Variants in EMC1 observed in about 807,000 individuals in gnomAD.
EMC1 encodes ER membrane protein complex subunit 1.
A neutral mutation model predicts 128.8 loss-of-function variants in EMC1; 103 were observed. That is an observed-to-expected ratio of 0.80 (90% confidence interval 0.68 to 0.94). The LOEUF is 0.94. EMC1 is among the 40% of genes least tolerant of loss of function. The probability of loss-of-function intolerance (pLI) is 0.00; values close to 1 mark genes in which losing one functional copy is unlikely to be tolerated. For synonymous variants in EMC1, 442 were observed against 490.4 expected (o/e 0.90, Z 1.30); for missense variants, 1,083 against 1,250.6 (o/e 0.87, Z 2.02).
chr1:19,239,874 A>G lies in EMC1; in HGVS notation c.898T>C (p.Tyr300His). 6.2e-7 allele frequency: 1 copy of G among 1,614,144 alleles called. No individual in the cohort carries two copies. Among genetic ancestry groups the G allele is most frequent in the Non-Finnish European group, 8.5e-7 (1 of 1,180,010 alleles). Residue 300 changes from tyrosine (Y) to histidine (H), a missense_variant, in exon 8 of 23, where the codon TAT becomes CAT. By Grantham distance (83) the Tyr-to-His change is moderately conservative. This residue lies in a region of EMC1 where 544 missense variants were observed against 572.4 expected (regional missense o/e 0.95). Coordinates refer to ENST00000477853, the MANE Select transcript of EMC1 (RefSeq NM_015047.3). ...CCATAATGGTACTGCAGCAGAGCATAGTGGCTTGGGGACAAGTGCAGGAAG... is the reference window on the plus strand; with the variant it reads ...CCATAATGGTACTGCAGCAGAGCATGGTGGCTTGGGGACAAGTGCAGGAAG... ...QFFLHLSPSH[Y>H]ALLQYHYGTL...
rs67823069 is a variant in EMC1 at position 19,218,646 on chromosome 1, CAA to C, written c.*655_*656del. On this transcript the variant is annotated 3_prime_UTR_variant, in exon 23 of 23. Transcript: ENST00000477853. ...GCACTTGGCTTCTGATAAATTGAAA[CAA>C]AGATTTGGTGGCCCAGCCTAATAAA... is the stretch of plus-strand genomic sequence containing the variant. The C allele has an allele frequency of 0.088, 13,357 of 152,248 alleles. 681 individuals are homozygous for C. The highest frequency in any genetic ancestry group is 0.12 in the Non-Finnish European group (8,147 of 68,030). 9.4% of individuals were successfully genotyped at this position (152,248 alleles called of 1,614,324 possible).
chr1:19,240,352 G>C lies in EMC1; in HGVS notation c.731C>G (p.Ser244Cys). 1 of 1,614,212 alleles carries C rather than the reference G, an allele frequency of 6.2e-7. No homozygotes were observed. Among genetic ancestry groups the C allele is most frequent in the Non-Finnish European group, 8.5e-7 (1 of 1,180,042 alleles). The change falls in exon 7 of 23, where the codon TCC becomes TGC. Residue 244 changes from serine (S) to cysteine (C), a missense_variant. Around this residue, in one of 3 missense-constraint regions of EMC1, gnomAD observed 544 missense variants for 572.4 expected, o/e 0.95. Coordinates refer to ENST00000477853, the MANE Select transcript of EMC1 (RefSeq NM_015047.3). ...CGTCTCCAGAGCCAAAGTTTGGAGG[G>C]AACGTGAGCTCGGGTCAGGACACAC... is the stretch of plus-strand genomic sequence containing the variant. ...VLVCPDPSSR[S>C]LQTLALETEW... is the part of the protein sequence containing the mutation.
chr1:19,226,629 A>G (rs1429628552), intron 18 of EMC1, among the ~76,000 whole-genome samples: 1 of 151,970 alleles, frequency 6.6e-6, no homozygotes, highest in Non-Finnish European at 1.5e-5. Context: ...ATTGCAGCTC[A>G]CTGTAGCCTC....
rs1358869702 is a variant in EMC1 at position 19,239,872 on chromosome 1, A to G, written c.900T>C (p.Tyr300=). 4.3e-6 allele frequency: 7 copies of G among 1,614,188 alleles called. No homozygotes were observed. The highest frequency in any genetic ancestry group is 5.1e-6 in the Non-Finnish European group (6 of 1,180,032). ...QFFLHLSPSH[Y]ALLQYHYGTL... ...TTCCATAATGGTACTGCAGCAGAGCATAGTGGCTTGGGGACAAGTGCAGGA... is the reference window on the plus strand; with the variant it reads ...TTCCATAATGGTACTGCAGCAGAGCGTAGTGGCTTGGGGACAAGTGCAGGA... The change falls in exon 8 of 23, where the codon TAT becomes TAC. Residue 300 remains tyrosine, a synonymous_variant. Transcript: ENST00000477853.
chr1:19,218,756 C>T lies in EMC1; in HGVS notation c.*547G>A, dbSNP rs1401890898. The T allele has an allele frequency of 1.4e-4, 22 of 153,456 alleles. No homozygotes were observed. The highest frequency in any genetic ancestry group is 1.4e-3 in the Admixed American group (22 of 15,514). The allele number at this position is 153,456 out of a possible 1,614,324, so 9.5% of individuals were successfully genotyped here. Reference sequence around the variant, plus strand: ...ACCCTAAGTTACTTTGGAGGGAAGCCATGAGAGGCTGGATCAGTCCTCAAG... The same window carrying T: ...ACCCTAAGTTACTTTGGAGGGAAGCTATGAGAGGCTGGATCAGTCCTCAAG... On this transcript the variant is annotated 3_prime_UTR_variant, in exon 23 of 23. Transcript: ENST00000477853.
At chr1:19,242,004 C>G (rs1336385516) in intron 5 of EMC1, among the ~76,000 whole-genome samples, 3 of 152,092 alleles carry the variant, frequency 2.0e-5, no homozygotes, top group African/African-American at 7.2e-5. Flanking sequence ...TTAATATGAA[C>G]GAAAGGCTCA....
At chr1:19,223,365 C>A (rs767451445) in intron 19 of EMC1, 31 bp downstream of exon 19, 1 of 1,595,892 alleles carries the variant, frequency 6.3e-7, no homozygotes, top group African/African-American at 1.3e-5. Context: ...ACCTCTGGAG[C>A]TACCTTGGGT....
At position 19,229,119 on chromosome 1, in the gene EMC1, G is replaced by C. The variant is rs78377562; in HGVS notation, c.2065-1669C>G. Among the ~76,000 whole-genome samples, 833 of 152,240 alleles carry C rather than the reference G, an allele frequency of 5.5e-3. 4 individuals carry two copies. The highest frequency in any genetic ancestry group is 8.8e-3 in the Non-Finnish European group (598 of 68,024). ...TTGATAGGGAATCATAAATACACAA[G>C]GACAGTAGAAAGAGGCACAGCAAAC... is the stretch of plus-strand genomic sequence containing the variant. On this transcript the variant is annotated intron_variant, in intron 17 of 22. Coordinates refer to ENST00000477853, the MANE Select transcript of EMC1 (RefSeq NM_015047.3).
In EMC1 at chr1:19,242,428, G is replaced by T. The variant is rs370952454; in HGVS notation, c.426C>A (p.Tyr142Ter). ...GTGTAGTCTTCTTCAGGACTGCGAT[G>T]TACCTTACAGACTCCTGCAGGCCAA... Reference protein sequence around the residue: ...GLVGLQESVRYIAVLKKTTLA... With the variant: ...GLVGLQESVR The change falls in exon 5 of 23, where the codon TAC becomes TAA. Residue 142 changes from tyrosine (Y) to a stop codon, truncating the protein, a stop_gained. Transcript: ENST00000477853. LOFTEE classifies it high-confidence loss of function. 6 of 1,613,994 alleles carry T rather than the reference G, an allele frequency of 3.7e-6. No homozygotes were observed. The highest frequency in any genetic ancestry group is 1.3e-5 in the African/African-American group (1 of 74,902).
chr1:19,220,905 C>G, intron 20 of EMC1, 57 bp from the exon 21 acceptor site: 1 of 1,262,600 alleles, frequency 7.9e-7, no homozygotes. Context: ...GGGCCAGTTA[C>G]AAAAATGTCA....
intron 19 of EMC1, 174 bp from the exon 20 acceptor site, chr1:19,223,008 C>T (rs2093443773): frequency 1.7e-6 from 1 of 592,630 alleles, no homozygotes. Flanking sequence ...GTAGTTTTAT[C>T]TAGGCTATCG....
At chr1:19,233,964 G>T (rs2093543961) in intron 13 of EMC1, among the ~76,000 whole-genome samples, 1 of 152,156 alleles carries the variant, frequency 6.6e-6, no homozygotes, top group Admixed American at 6.5e-5. Flanking sequence ...ACTAAAAAAG[G>T]AGCAGAACCT....
intron 7 of EMC1, 56 bp downstream of exon 7, chr1:19,240,241 T>A: frequency 6.2e-7 from 1 of 1,607,334 alleles, no homozygotes; most frequent in African/African-American, 1.3e-5. Flanking sequence ...CATGCCAAAC[T>A]TTCTACTCCC....
chr1:19,223,422 T>C lies in EMC1; in HGVS notation c.2350A>G (p.Ile784Val), dbSNP rs540813358. 7 of 1,614,012 alleles carry C rather than the reference T, an allele frequency of 4.3e-6. No individual in the cohort carries two copies. In the East Asian group the frequency reaches 8.9e-5, roughly 21 times the overall value. Residue 784 changes from isoleucine to valine, a missense_variant, in exon 19 of 23, where the codon ATC (isoleucine) becomes GTC (valine). This residue lies in a region of EMC1 where 527 missense variants were observed against 644.1 expected (regional missense o/e 0.82). Transcript: ENST00000477853. ...VQKKAKGPVH[I>V]VHSENWVVYQ... The stretch of plus-strand genomic sequence containing the variant: ...ACCACCCAGTTCTCTGAATGCACGA[T>C]ATGGACAGGGCCTTTGGCTTTCTTC...
intron 1 of EMC1, 69 bp from the exon 2 acceptor site, chr1:19,245,099 A>C (rs2093626030): frequency 6.4e-7 from 1 of 1,554,898 alleles, no homozygotes; most frequent in Non-Finnish European, 8.8e-7. Context: ...CTCCGGAAAA[A>C]AAATCACAGG....
At chr1:19,244,856 A>C (rs2093624717) in intron 2 of EMC1, 50 bp downstream of exon 2, 1 of 1,606,048 alleles carries the variant, frequency 6.2e-7, no homozygotes, top group Admixed American at 1.7e-5. Flanking sequence ...GGCAATGGTA[A>C]GTCTTTCATC....
chr1:19,219,537 G>A (rs1183046967), intron 22 of EMC1, 32 bp downstream of exon 22: 1 of 1,613,830 alleles, frequency 6.2e-7, no homozygotes, highest in African/African-American at 1.3e-5. Flanking sequence ...ATCCACCAAG[G>A]GTGAAATAGG....
chr1:19,223,178 A>G (rs1571975087), intron 19 of EMC1, among the ~76,000 whole-genome samples: 2 of 152,232 alleles, frequency 1.3e-5, no homozygotes, highest in Non-Finnish European at 2.9e-5. Flanking sequence ...GAGCGTGTAC[A>G]TAACTAGTTC....
At chr1:19,219,518 C>G (rs2093414802) in intron 22 of EMC1, 36 bp from the exon 23 acceptor site, 1 of 1,613,912 alleles carries the variant, frequency 6.2e-7, no homozygotes, top group Non-Finnish European at 8.5e-7. Flanking sequence ...AGGAAAGAAA[C>G]AACCAATGAT....
Sources: allele counts gnomAD v4.1 joint callset (sites outside exome capture counted in the v4.1 genomes callset), GRCh38; gene constraint gnomAD v4.1.1; regional missense constraint gnomAD v4.1.1; transcripts MANE v1.5; gene names NCBI Gene and HGNC (gene_info 2026-07-23, HGNC 2026-07-21).